RNASET2: variants seen among roughly 807,000 people sequenced by gnomAD.
RNASET2 encodes the protein ribonuclease 6.
A neutral mutation model predicts 33.9 loss-of-function variants in RNASET2; 28 were observed. The ratio of observed to expected loss-of-function variants is 0.83; its 90% CI spans 0.61 to 1.13. The LOEUF (loss-of-function observed/expected upper bound fraction) is 1.13, where lower values mean the gene tolerates loss of function less well. RNASET2 is among the 50% of genes most tolerant of loss of function. The pLI is 0.00. For synonymous variants in RNASET2, 123 were observed against 121.0 expected, an observed-to-expected ratio of 1.02 and a Z score of -0.11; for missense variants, 330 against 319.9, an observed-to-expected ratio of 1.03 and a Z score of -0.24.
chr6:166,934,389 A>G, intron 6 of RNASET2: 1 of 496,206 alleles, frequency 2.0e-6, no homozygotes, highest in Non-Finnish European at 3.6e-6. Context: ...CCTTCGGAGC[A>G]TGGGAGCGCT....
chr6:166,938,768 T>C (rs745340309), intron 6 of RNASET2, 127 bp downstream of exon 6: 5 of 776,874 alleles, frequency 6.4e-6, no homozygotes, highest in African/African-American at 3.4e-5. Context: ...AGTAGCCGAA[T>C]AGTGCACATG....
At position 166,929,041 on chromosome 6, in the gene RNASET2, T is replaced by C. The variant is rs1295556449; in HGVS notation, c.*547A>G. On this transcript the variant is annotated 3_prime_UTR_variant, in exon 9 of 9. Transcript: ENST00000508775. ...GGCAGGAGGGGCAAAGTCACCGTTCTAGGACACACCTGTGACCACACCAGG... is the reference window on the plus strand; with the variant it reads ...GGCAGGAGGGGCAAAGTCACCGTTCCAGGACACACCTGTGACCACACCAGG... Among the ~76,000 whole-genome samples, 1 of 152,222 alleles carries C rather than the reference T, an allele frequency of 6.6e-6. No homozygotes were observed. Among genetic ancestry groups the C allele is most frequent in the East Asian group, 1.9e-4 (1 of 5,188 alleles).
In RNASET2 at chr6:166,939,830, C is replaced by T. The variant is rs543051312; in HGVS notation, c.333-822G>A. The stretch of plus-strand genomic sequence containing the variant: ...AATAGCCTATAACTAAAGGGCTGCA[C>T]GTGAACAGCAATTTGTATTCCAGAA... On this transcript the variant is annotated intron_variant, in intron 5 of 8. Coordinates refer to ENST00000508775, the MANE Select transcript of RNASET2 (RefSeq NM_003730.6). Among the ~76,000 whole-genome samples the T allele has an allele frequency of 1.6e-4, 25 of 152,310 alleles. No individual in the cohort carries two copies. The South Asian group carries it at 4.8e-3, about 29-fold the overall frequency.
chr6:166,934,038 A>T, intron 7 of RNASET2, 53 bp downstream of exon 7: 1 of 1,379,448 alleles, frequency 7.2e-7, no homozygotes, highest in Non-Finnish European at 1.0e-6. Context: ...AAACGGCCCT[A>T]CTGGAGGTCC....
intron 1 of RNASET2, 122 bp from the exon 2 acceptor site, chr6:166,952,670 T>G: frequency 1.3e-6 from 1 of 767,976 alleles, no homozygotes; most frequent in East Asian, 2.7e-5. Context: ...GGAGGAACAC[T>G]GCCTGCCCTG....
chr6:166,948,766 G>A (rs2128646732), intron 2 of RNASET2, 141 bp from the exon 3 acceptor site: 1 of 685,860 alleles, frequency 1.5e-6, no homozygotes, highest in East Asian at 2.7e-5. Context: ...ACAAGCTAAA[G>A]CCAGGGCTAC....
chr6:166,945,691 A>G (rs563421144), intron 4 of RNASET2, among the ~76,000 whole-genome samples: 10 of 151,980 alleles, frequency 6.6e-5, no homozygotes, highest in South Asian at 2.1e-4. Context: ...TAAGCCGGGC[A>G]TGGTGGCGCA....
chr6:166,946,118 C>G (rs77923642), intron 4 of RNASET2, among the ~76,000 whole-genome samples: 3,142 of 152,272 alleles, frequency 0.021, 55 homozygotes, highest in Non-Finnish European at 0.03. Context: ...ACGGGTATCT[C>G]AAAGGAACGC....
intron 8 of RNASET2, among the ~76,000 whole-genome samples, chr6:166,930,794 C>T (rs1289087932): frequency 4.1e-5 from 6 of 145,888 alleles, no homozygotes; most frequent in African/African-American, 1.5e-4. Flanking sequence ...TAGCACATGC[C>T]CACATGCATG....
At chr6:166,943,452 G>C (rs1469084645) in intron 4 of RNASET2, 1 of 346,610 alleles carries the variant, frequency 2.9e-6, no homozygotes, top group African/African-American at 2.1e-5. Flanking sequence ...GTCTGCAGAG[G>C]CTACATACTG....
chr6:166,951,074 G>A, intron 2 of RNASET2, among the ~76,000 whole-genome samples: 1 of 152,222 alleles, frequency 6.6e-6, no homozygotes, highest in Non-Finnish European at 1.5e-5. Flanking sequence ...GGCAAAAGGG[G>A]CAGGGTAAGG....
rs1778323553 is a variant in RNASET2, at chr6:166,927,447, A to C, written c.*2141T>G. On this transcript the variant is annotated 3_prime_UTR_variant, in exon 9 of 9. Coordinates refer to ENST00000508775, the MANE Select transcript of RNASET2 (RefSeq NM_003730.6). ...CACTCCGCAGCCCATGCCTCCCACC[A>C]GGATGCTACCTTGTTGGCGTCCCCA... Among the ~76,000 whole-genome samples the C allele has an allele frequency of 6.6e-6, 1 of 152,096 alleles. No individual in the cohort carries two copies. The highest frequency in any genetic ancestry group is 6.5e-5 in the Admixed American group (1 of 15,276).
chr6:166,943,433 A>T, intron 4 of RNASET2: 1 of 353,330 alleles, frequency 2.8e-6, no homozygotes, highest in South Asian at 2.2e-5. Flanking sequence ...TGCTAAGTGC[A>T]AGAAGCCAGT....
At chr6:166,955,363 GC>G (rs1779128213) in intron 1 of RNASET2, 2 of 252,686 alleles carry the variant, frequency 7.9e-6, no homozygotes, top group South Asian at 2.3e-4. Context: ...ACACACACAC[GC>G]ACACACAAAC....
chr6:166,929,993 G>A (rs555061595), intron 8 of RNASET2, among the ~76,000 whole-genome samples: 52 of 152,178 alleles, frequency 3.4e-4, no homozygotes, highest in Non-Finnish European at 6.5e-4. Context: ...CAGGTGACTC[G>A]CCTGTGGGCA....
At chr6:166,930,180 G>A (rs1199456368) in intron 8 of RNASET2, among the ~76,000 whole-genome samples, 1 of 152,220 alleles carries the variant, frequency 6.6e-6, no homozygotes, top group African/African-American at 2.4e-5. Context: ...TAGGCCAAAA[G>A]GGCAACAGTA....
At chr6:166,932,225 C>A (rs1484912560) in intron 7 of RNASET2, 2 of 152,560 alleles carry the variant, frequency 1.3e-5, no homozygotes, top group African/African-American at 4.8e-5. Flanking sequence ...TAGCCATAGG[C>A]CCAGATTCCC....
chr6:166,942,058 CT>C (rs61635852), intron 5 of RNASET2, among the ~76,000 whole-genome samples: 16 of 127,174 alleles, frequency 1.3e-4, no homozygotes, highest in Admixed American at 1.7e-4. Flanking sequence ...AAGACATCTT[CT>C]TTTTTTTTTT....
At chr6:166,953,283 T>C (rs756026499) in intron 1 of RNASET2, 1 of 152,500 alleles carries the variant, frequency 6.6e-6, no homozygotes, top group Non-Finnish European at 1.5e-5. Flanking sequence ...GAAGCCACTG[T>C]GGAGCGGCAG....
Sources: allele counts gnomAD v4.1 joint callset (sites outside exome capture counted in the v4.1 genomes callset), GRCh38; gene constraint gnomAD v4.1.1; transcripts MANE v1.5; gene names NCBI Gene and HGNC (gene_info 2026-07-23, HGNC 2026-07-21).